Variants in KLHL4 observed in about 807,000 individuals in gnomAD.
KLHL4 encodes kelch-like protein 4.
KLHL4 carries 17 observed loss-of-function variants against 45.8 expected under a neutral mutation model. The ratio of observed to expected loss-of-function variants is 0.37; its 90% CI spans 0.25 to 0.56. The LOEUF is 0.56. Ranked by LOEUF, KLHL4 falls within the 20% of genes least tolerant of loss-of-function variation. The pLI is 0.79. For synonymous variants in KLHL4, 224 were observed against 189.9 expected, an observed-to-expected ratio of 1.18 and a Z score of -1.47; for missense variants, 544 against 544.9, an observed-to-expected ratio of 1.00 and a Z score of 0.02.
At chrX:87,603,930 C>T (rs1224016647) in intron 1 of KLHL4, among the ~76,000 whole-genome samples, 1 of 109,984 alleles carries the variant, frequency 9.1e-6, no homozygotes, top group Non-Finnish European at 1.9e-5. Context: ...GTTCCACTCC[C>T]CGCTTCTATG....
At chrX:87,570,402 G>C (rs1425334130) in intron 1 of KLHL4, among the ~76,000 whole-genome samples, 1 of 110,964 alleles carries the variant, frequency 9.0e-6, no homozygotes, top group Non-Finnish European at 1.9e-5. Context: ...TCTAGACAGA[G>C]GGAGTTGTAA....
chrX:87,529,850 C>A (rs906046127), intron 1 of KLHL4, among the ~76,000 whole-genome samples: 1 of 111,496 alleles, frequency 9.0e-6, no homozygotes, highest in African/African-American at 3.3e-5. Flanking sequence ...GATGTAATGT[C>A]CAGTTATAAA....
At chrX:87,639,612 AT>A (rs1415044887) in intron 9 of KLHL4, among the ~76,000 whole-genome samples, 2 of 111,491 alleles carry the variant, frequency 1.8e-5, no homozygotes, top group African/African-American at 6.5e-5. Flanking sequence ...CTGAATGATC[AT>A]TGGGTCACAG....
At chrX:87,655,617 C>T (rs910027898) in intron 9 of KLHL4, among the ~76,000 whole-genome samples, 1 of 110,752 alleles carries the variant, frequency 9.0e-6, no homozygotes, top group Non-Finnish European at 1.9e-5. Flanking sequence ...AGTGTATGGT[C>T]GGATCCTTTT....
intron 1 of KLHL4, among the ~76,000 whole-genome samples, chrX:87,522,295 G>C (rs374483848): frequency 8.9e-6 from 1 of 111,751 alleles, no homozygotes; most frequent in African/African-American, 3.3e-5. Context: ...TCAACAGAGA[G>C]AGTGGTAGGA....
Position 87,622,265 on chromosome X carries a change from G to A in KLHL4, c.979G>A (p.Glu327Lys). 1 of 1,209,583 alleles carries A rather than the reference G, an allele frequency of 8.3e-7. No individual in the cohort carries two copies. The change falls in exon 5 of 11, where the codon GAA (glutamate) becomes AAA (lysine). Residue 327 changes from glutamate (E) to lysine (K), a missense_variant. By Grantham distance (56) the Glu-to-Lys change is moderately conservative. Transcript: ENST00000373119. ...NQEFLLLPAN[E>K]ISKLLCSDDI... ...AGAATTCCTCCTGCTTCCAGCTAAT[G>A]AAATTTCAAAACTTCTGTGCAGTGA...
intron 9 of KLHL4, among the ~76,000 whole-genome samples, chrX:87,652,141 G>A (rs972488530): frequency 8.9e-6 from 1 of 112,499 alleles, no homozygotes; most frequent in Admixed American, 9.4e-5. Context: ...AGCCACAGCT[G>A]GAGCAGCTGT....
chrX:87,518,072 A>T lies in KLHL4; in HGVS notation c.179A>T (p.Asn60Ile), dbSNP rs1427836848. ...GRLKSHSRDR[N>I]GLKKSNSPVH... ...TTGAAGAGCCACTCTCGGGACAGAA[A>T]CGGACTGAAGAAAAGCAACAGTCCT... The change falls in exon 1 of 11, where the codon AAC becomes ATC. Residue 60 changes from asparagine (N) to isoleucine (I), a missense_variant. Transcript: ENST00000373119. The T allele has an allele frequency of 1.7e-6, 2 of 1,211,674 alleles. No homozygotes were observed. The highest frequency in any genetic ancestry group is 4.4e-5 in the Admixed American group (2 of 45,963).
Position 87,669,466 on chromosome X carries a change from A to T in KLHL4, c.*2932A>T. The T allele has an allele frequency of 8.7e-7, 1 of 1,153,833 alleles. No individual in the cohort carries two copies. The highest frequency in any genetic ancestry group is 2.0e-5 in the South Asian group (1 of 49,788). On this transcript the variant is annotated 3_prime_UTR_variant, in exon 11 of 11. Coordinates refer to ENST00000373119, the MANE Select transcript of KLHL4 (RefSeq NM_019117.5). ...CAGGTGTGGCTGTTGCCCCTTTTTG[A>T]TATGGAGGGAACACTGAAAGACAGT...
intron 5 of KLHL4, among the ~76,000 whole-genome samples, chrX:87,623,257 T>C (rs1922811984): frequency 9.2e-6 from 1 of 109,201 alleles, no homozygotes. Flanking sequence ...GAAAAATAGA[T>C]TGTTAATCTG....
intron 1 of KLHL4, among the ~76,000 whole-genome samples, chrX:87,567,502 T>C (rs1034587305): frequency 8.1e-5 from 9 of 111,464 alleles, no homozygotes; most frequent in African/African-American, 2.9e-4. Flanking sequence ...CAGGGACAAG[T>C]AGGTATTTGT....
At chrX:87,601,104 C>T (rs1230929767) in intron 1 of KLHL4, among the ~76,000 whole-genome samples, 1 of 111,747 alleles carries the variant, frequency 8.9e-6, no homozygotes, top group East Asian at 2.8e-4. Context: ...TTCTTGACTC[C>T]TTGGAGGAAA....
chrX:87,637,510 T>C (rs1176714165), intron 9 of KLHL4, among the ~76,000 whole-genome samples: 1 of 111,518 alleles, frequency 9.0e-6, no homozygotes, highest in African/African-American at 3.3e-5. Flanking sequence ...AGAAAAAGAA[T>C]TCAGAAGGTC....
intron 1 of KLHL4, among the ~76,000 whole-genome samples, chrX:87,539,653 C>A (rs934334208): frequency 6.3e-5 from 7 of 110,971 alleles, no homozygotes; most frequent in Non-Finnish European, 1.1e-4. Flanking sequence ...ATACCAACAT[C>A]TGATGAGAAC....
chrX:87,529,252 A>G (rs868323812), intron 1 of KLHL4, among the ~76,000 whole-genome samples: 1 of 111,425 alleles, frequency 9.0e-6, no homozygotes, highest in Non-Finnish European at 1.9e-5. Flanking sequence ...TAACAAAAAC[A>G]GGAAATTATG....
chrX:87,533,060 G>A (rs1931336695), intron 1 of KLHL4, among the ~76,000 whole-genome samples: 1 of 105,151 alleles, frequency 9.5e-6, no homozygotes, highest in African/African-American at 3.5e-5. Flanking sequence ...AACAACAGGT[G>A]CTGGAGAGGA....
At chrX:87,621,155 G>A (rs1195441397) in intron 4 of KLHL4, among the ~76,000 whole-genome samples, 1 of 111,717 alleles carries the variant, frequency 9.0e-6, no homozygotes, top group African/African-American at 3.2e-5. Flanking sequence ...AAGCTGAGGT[G>A]GTGATTTGAT....
chrX:87,551,419 A>G (rs1931814979), intron 1 of KLHL4, among the ~76,000 whole-genome samples: 1 of 111,590 alleles, frequency 9.0e-6, no homozygotes, highest in Admixed American at 9.6e-5. Context: ...AAATGACCAT[A>G]CTGCCAAAAG....
At chrX:87,580,730 T>C (rs1227760925) in intron 1 of KLHL4, among the ~76,000 whole-genome samples, 1 of 111,698 alleles carries the variant, frequency 9.0e-6, no homozygotes, top group African/African-American at 3.3e-5. Context: ...AAAATAAACA[T>C]TAAAGGGAAA....
Sources: gnomAD v4.1 joint callset for allele counts (sites outside exome capture counted in the v4.1 genomes callset) on GRCh38, gnomAD v4.1.1 for gene constraint, MANE v1.5 for transcripts, NCBI Gene and HGNC (gene_info 2026-07-23, HGNC 2026-07-21) for gene names.